SCN11A: variants seen among roughly 807,000 people sequenced by gnomAD.
The protein encoded by SCN11A is sodium voltage-gated channel alpha subunit 11.
SCN11A carries 122 observed loss-of-function variants against 162.2 expected under a neutral mutation model. That is an observed-to-expected ratio of 0.75 (90% CI 0.65 to 0.87). SCN11A has a LOEUF of 0.87. Among genes scored for constraint, SCN11A ranks in the 40% least tolerant of loss-of-function variants. The pLI is 0.00. For missense variants in SCN11A, 2,015 were observed against 2,181.6 expected (o/e 0.92, Z 1.52); for synonymous variants, 758 against 751.5 (o/e 1.01, Z -0.14).
At chr3:38,854,939 G>A (rs1297378962) in intron 28 of SCN11A, among the ~76,000 whole-genome samples, 1 of 152,220 alleles carries the variant, frequency 6.6e-6, no homozygotes, top group Non-Finnish European at 1.5e-5. Flanking sequence ...GCCATAGGGT[G>A]AAAGAAACTT....
intron 11 of SCN11A, among the ~76,000 whole-genome samples, chr3:38,915,758 T>C (rs2065951587): frequency 6.6e-6 from 1 of 152,164 alleles, no homozygotes; most frequent in African/African-American, 2.4e-5. Context: ...CATGTGGTGA[T>C]GAGAAGAATG....
At chr3:38,855,016 G>A (rs2064844157) in intron 28 of SCN11A, among the ~76,000 whole-genome samples, 1 of 152,220 alleles carries the variant, frequency 6.6e-6, no homozygotes, top group Non-Finnish European at 1.5e-5. Flanking sequence ...GGGGGCTAAC[G>A]GGAGTTGCTG....
chr3:38,996,589 G>T (rs1215752261), intron 2 of SCN11A, among the ~76,000 whole-genome samples: 1 of 152,172 alleles, frequency 6.6e-6, no homozygotes, highest in Admixed American at 6.5e-5. Flanking sequence ...TGTGGACTTT[G>T]AACTTGAGAC....
intron 29 of SCN11A, among the ~76,000 whole-genome samples, chr3:38,848,388 G>A (rs559907116): frequency 1.2e-3 from 178 of 152,222 alleles, no homozygotes; most frequent in African/African-American, 4.0e-3. Flanking sequence ...GTCTTCTAGG[G>A]TTGTTAGGGG....
chr3:38,870,423 T>C (rs1317261594), intron 26 of SCN11A, among the ~76,000 whole-genome samples: 6 of 152,208 alleles, frequency 3.9e-5, no homozygotes, highest in African/African-American at 1.4e-4. Context: ...CACTTCTGGC[T>C]CCATCTCCTG....
At chr3:38,884,646 A>G (rs1389602531) in intron 21 of SCN11A, among the ~76,000 whole-genome samples, 1 of 152,228 alleles carries the variant, frequency 6.6e-6, no homozygotes, top group African/African-American at 2.4e-5. Context: ...CAATGAATAT[A>G]ACAAATAGTA....
intron 7 of SCN11A, among the ~76,000 whole-genome samples, chr3:38,931,577 G>A (rs771157622): frequency 3.3e-5 from 5 of 152,214 alleles, no homozygotes; most frequent in Non-Finnish European, 5.9e-5. Context: ...AGCATGACGA[G>A]AGTGGGCATT....
intron 2 of SCN11A, among the ~76,000 whole-genome samples, chr3:38,983,207 A>G (rs2030121592): frequency 6.6e-6 from 1 of 152,028 alleles, no homozygotes; most frequent in African/African-American, 2.4e-5. Context: ...CCTGCATTAG[A>G]TGGCCTTCAT....
intron 1 of SCN11A, among the ~76,000 whole-genome samples, chr3:39,049,307 T>C (rs1339620958): frequency 3.3e-5 from 5 of 152,386 alleles, no homozygotes; most frequent in Middle Eastern, 6.8e-3. Context: ...ATAAATTCCA[T>C]GGGCAATAGC....
chr3:38,906,860 C>T (rs2065800150), intron 14 of SCN11A, among the ~76,000 whole-genome samples: 1 of 152,122 alleles, frequency 6.6e-6, no homozygotes, highest in Non-Finnish European at 1.5e-5. Context: ...GATCCCCCAA[C>T]TGATCACTAT....
chr3:38,848,866 A>T (rs750124564), intron 29 of SCN11A, among the ~76,000 whole-genome samples: 1 of 152,160 alleles, frequency 6.6e-6, no homozygotes, highest in Non-Finnish European at 1.5e-5. Flanking sequence ...ACTCACACTC[A>T]TTTTGCATTT....
chr3:39,038,971 C>T (rs1165620759), intron 1 of SCN11A, among the ~76,000 whole-genome samples: 1 of 152,186 alleles, frequency 6.6e-6, no homozygotes, highest in Admixed American at 6.5e-5. Context: ...CCAATACCTT[C>T]ATTTCTAAGG....
intron 7 of SCN11A, among the ~76,000 whole-genome samples, chr3:38,944,333 A>AC (rs1553643732): frequency 7.0e-6 from 1 of 143,072 alleles, no homozygotes; most frequent in African/African-American, 2.6e-5. Flanking sequence ...TAGAAAATCC[A>AC]TTTTTTTTTT....
In SCN11A at chr3:38,850,584, G is replaced by A. The variant is rs1481007442; in HGVS notation, c.4224C>T (p.Ile1408=). ...TTTTGATGAGACATTCTAACGTAAA[G>A]ATGACCACAAAGACCCAGTTGAGAT... ...LDHLNWVFVV[I]FTLECLIKIF... is the part of the protein sequence containing the mutation. Residue 1408 remains isoleucine (I), a synonymous_variant, in exon 29 of 30, where the codon ATC becomes ATT. Transcript: ENST00000302328. The A allele has an allele frequency of 6.2e-7, 1 of 1,613,974 alleles. No homozygotes were observed. Among genetic ancestry groups the A allele is most frequent in the South Asian group, 1.1e-5 (1 of 91,074 alleles).
chr3:38,958,457 C>T (rs1221594366), intron 3 of SCN11A, among the ~76,000 whole-genome samples: 1 of 152,188 alleles, frequency 6.6e-6, no homozygotes, highest in Non-Finnish European at 1.5e-5. Flanking sequence ...GTACTCTGCC[C>T]ACACCTTTGT....
intron 2 of SCN11A, among the ~76,000 whole-genome samples, chr3:38,979,481 C>A (rs936599492): frequency 6.6e-6 from 1 of 152,204 alleles, no homozygotes; most frequent in African/African-American, 2.4e-5. Flanking sequence ...ATACTGCCAT[C>A]TCCATGGTCC....
intron 2 of SCN11A, among the ~76,000 whole-genome samples, chr3:39,000,088 A>C (rs1212935407): frequency 6.6e-6 from 1 of 152,204 alleles, no homozygotes; most frequent in Non-Finnish European, 1.5e-5. Context: ...TGAAAAGATA[A>C]AGTAACACAA....
At chr3:38,937,064 G>A (rs1249526344) in intron 7 of SCN11A, among the ~76,000 whole-genome samples, 3 of 152,054 alleles carry the variant, frequency 2.0e-5, no homozygotes, top group African/African-American at 4.8e-5. Flanking sequence ...CAGAAACAAC[G>A]CCGCATATCT....
At chr3:38,965,014 T>C (rs1362407999) in intron 2 of SCN11A, among the ~76,000 whole-genome samples, 1 of 152,180 alleles carries the variant, frequency 6.6e-6, no homozygotes, top group Non-Finnish European at 1.5e-5. Flanking sequence ...ACAGCCAAAG[T>C]GAACAGAGCA....
Sources: gnomAD v4.1 joint callset for allele counts (sites outside exome capture counted in the v4.1 genomes callset) on GRCh38, gnomAD v4.1.1 for gene constraint, MANE v1.5 for transcripts, NCBI Gene and HGNC (gene_info 2026-07-23, HGNC 2026-07-21) for gene names.